Variants in MLLT3 observed in about 807,000 individuals in gnomAD.
MLLT3 encodes the protein MLLT3 super elongation complex subunit, also known as protein AF-9.
MLLT3 carries 4 observed loss-of-function variants against 53.2 expected under a neutral mutation model. The observed-to-expected ratio is 0.08, with a 90% CI of 0.04 to 0.17. The LOEUF (loss-of-function observed/expected upper bound fraction) is 0.17. Among genes scored for constraint, MLLT3 ranks in the 10% least tolerant of loss-of-function variants. The pLI is 1.00. For synonymous variants in MLLT3, 283 were observed against 230.6 expected (o/e 1.23, Z -2.06); for missense variants, 569 against 684.0 (o/e 0.83, Z 1.87).
chr9:20,587,290 T>A (rs973428439), intron 2 of MLLT3, among the ~76,000 whole-genome samples: 1 of 151,538 alleles, frequency 6.6e-6, no homozygotes, highest in African/African-American at 2.4e-5. Context: ...TATCATATAA[T>A]CTTTTTCTTT....
At chr9:20,433,490 T>G in intron 4 of MLLT3, among the ~76,000 whole-genome samples, 1 of 152,080 alleles carries the variant, frequency 6.6e-6, no homozygotes, top group Admixed American at 6.6e-5. Context: ...AGAGAGAAAC[T>G]GTACAGTGGA....
In MLLT3 at chr9:20,575,984, G is replaced by T. The variant is rs140057258; in HGVS notation, c.193+44670C>A. 2.0e-5 allele frequency among the ~76,000 whole-genome samples: 3 copies of T among 152,142 alleles called. No individual in the cohort carries two copies. In the East Asian group the frequency reaches 5.8e-4, roughly 29 times the overall value. On this transcript the variant is annotated intron_variant, in intron 2 of 10. Transcript: ENST00000380338. ...TAACATCTTTTTCCAATCGAAGGCC[G>T]TTTCACCTACATTGAAAATCTGTTG...
intron 2 of MLLT3, among the ~76,000 whole-genome samples, chr9:20,480,417 C>T (rs1004547050): frequency 6.6e-6 from 1 of 152,194 alleles, no homozygotes; most frequent in Non-Finnish European, 1.5e-5. Context: ...AGTTTCTCTT[C>T]ATGCAAACAG....
intron 10 of MLLT3, among the ~76,000 whole-genome samples, chr9:20,352,326 G>A (rs1033149835): frequency 2.6e-5 from 4 of 152,128 alleles, no homozygotes. Flanking sequence ...CTGGTGTTTG[G>A]GAAGAGACGA....
At chr9:20,420,608 G>C (rs1315722564) in intron 4 of MLLT3, among the ~76,000 whole-genome samples, 1 of 152,148 alleles carries the variant, frequency 6.6e-6, no homozygotes, top group East Asian at 1.9e-4. Context: ...TAAATTGACA[G>C]ACCTCATAAA....
chr9:20,576,500 G>A (rs1314603205), intron 2 of MLLT3, among the ~76,000 whole-genome samples: 1 of 152,070 alleles, frequency 6.6e-6, no homozygotes, highest in Non-Finnish European at 1.5e-5. Context: ...TGAAAGATGT[G>A]TAATTGGCTT....
intron 7 of MLLT3, 111 bp downstream of exon 7, chr9:20,363,365 C>T: frequency 1.6e-6 from 2 of 1,274,116 alleles, no homozygotes; most frequent in African/African-American, 1.5e-5. Context: ...ATGAATGTGA[C>T]CATCTACTGC....
intron 2 of MLLT3, among the ~76,000 whole-genome samples, chr9:20,546,876 T>C (rs1043382993): frequency 1.3e-5 from 2 of 152,238 alleles, no homozygotes; most frequent in Non-Finnish European, 2.9e-5. Flanking sequence ...GTAAAAATGC[T>C]ACATAAACTG....
chr9:20,490,067 A>C (rs1824910224), intron 2 of MLLT3, among the ~76,000 whole-genome samples: 1 of 152,146 alleles, frequency 6.6e-6, no homozygotes, highest in South Asian at 2.1e-4. Flanking sequence ...CTCCTCTGAT[A>C]AAGATGTGAT....
chr9:20,596,748 T>C (rs765477791), intron 2 of MLLT3, among the ~76,000 whole-genome samples: 15 of 152,160 alleles, frequency 9.9e-5, no homozygotes, highest in Non-Finnish European at 8.8e-5. Context: ...ATTAAAAATG[T>C]AGTCTCACTC....
chr9:20,585,584 G>A (rs748935991), intron 2 of MLLT3, among the ~76,000 whole-genome samples: 1 of 152,206 alleles, frequency 6.6e-6, no homozygotes, highest in Non-Finnish European at 1.5e-5. Flanking sequence ...CCCAGCACTT[G>A]ATTCTAAATC....
intron 4 of MLLT3, among the ~76,000 whole-genome samples, chr9:20,433,606 G>A (rs1823331702): frequency 6.6e-6 from 1 of 152,078 alleles, no homozygotes. Flanking sequence ...GAAGAGTGCA[G>A]ATATTCCTAC....
intron 2 of MLLT3, among the ~76,000 whole-genome samples, chr9:20,485,758 G>C (rs1287362612): frequency 6.6e-6 from 1 of 151,752 alleles, no homozygotes; most frequent in Non-Finnish European, 1.5e-5. Flanking sequence ...GTGTGTGTGT[G>C]TGTGCATGTG....
Position 20,515,067 on chromosome 9 carries a change from C to A in MLLT3, c.194-58281G>T, listed in dbSNP as rs1042878284. ...GTTCAGGCGATTCTCCTGCCTCAGC[C>A]TCCCTAGTAGATGGGATTACAGGTG... On this transcript the variant is annotated intron_variant, in intron 2 of 10. Coordinates refer to ENST00000380338, the MANE Select transcript of MLLT3 (RefSeq NM_004529.4). Among the ~76,000 whole-genome samples the A allele has an allele frequency of 6.6e-5, 10 of 151,688 alleles. No homozygotes were observed. In the East Asian group the frequency reaches 1.9e-3, roughly 29 times the overall value.
At chr9:20,470,419 C>G (rs1342709313) in intron 2 of MLLT3, among the ~76,000 whole-genome samples, 5 of 151,816 alleles carry the variant, frequency 3.3e-5, no homozygotes, top group Admixed American at 3.3e-4. Context: ...ATGTTGAAAA[C>G]CCACTATCTA....
chr9:20,525,216 G>C (rs984599528), intron 2 of MLLT3, among the ~76,000 whole-genome samples: 2 of 151,730 alleles, frequency 1.3e-5, no homozygotes, highest in African/African-American at 4.8e-5. Context: ...CAAATTCAAG[G>C]CCGGGCACAG....
At chr9:20,551,908 C>T (rs754365673) in intron 2 of MLLT3, among the ~76,000 whole-genome samples, 29 of 152,178 alleles carry the variant, frequency 1.9e-4, no homozygotes, top group Non-Finnish European at 2.8e-4. Flanking sequence ...GTTAAGTCTT[C>T]ATTCAACCCC....
chr9:20,421,573 AT>A (rs1034581910), intron 4 of MLLT3, among the ~76,000 whole-genome samples: 2 of 152,206 alleles, frequency 1.3e-5, no homozygotes, highest in African/African-American at 4.8e-5. Flanking sequence ...CAGTGCTTTA[AT>A]TATATAATTG....
At chr9:20,401,095 C>T (rs1822443122) in intron 5 of MLLT3, among the ~76,000 whole-genome samples, 1 of 151,950 alleles carries the variant, frequency 6.6e-6, no homozygotes, top group South Asian at 2.1e-4. Flanking sequence ...TGGAGCAAAC[C>T]TGATAAGGAA....
Sources: gnomAD v4.1 joint callset for allele counts (sites outside exome capture counted in the v4.1 genomes callset) on GRCh38, gnomAD v4.1.1 for gene constraint, MANE v1.5 for transcripts, NCBI Gene and HGNC (gene_info 2026-07-23, HGNC 2026-07-21) for gene names.